ECT2: variants seen among roughly 807,000 people sequenced by gnomAD.
The protein encoded by ECT2 is protein ECT2.
A neutral mutation model predicts 116.9 loss-of-function variants in ECT2; 61 were observed. The ratio of observed to expected loss-of-function variants is 0.52; its 90% CI spans 0.42 to 0.65. ECT2 has a LOEUF of 0.65. Among genes scored for constraint, ECT2 ranks in the 30% least tolerant of loss-of-function variants. The probability of loss-of-function intolerance (pLI) is 0.00; values close to 1 mark genes in which losing one functional copy is unlikely to be tolerated. For synonymous variants in ECT2, 358 were observed against 346.4 expected, an observed-to-expected ratio of 1.03 and a Z score of -0.37; for missense variants, 937 against 1,078.7, an observed-to-expected ratio of 0.87 and a Z score of 1.84.
intron 22 of ECT2, among the ~76,000 whole-genome samples, 179 bp from the exon 23 acceptor site, chr3:172,815,425 A>C (rs1729508812): frequency 6.6e-6 from 1 of 152,148 alleles, no homozygotes; most frequent in African/African-American, 2.4e-5. Flanking sequence ...CATTTACTGA[A>C]TGCTTATTTT....
chr3:172,773,809 C>T, intron 13 of ECT2, 94 bp from the exon 14 acceptor site: 4 of 1,251,426 alleles, frequency 3.2e-6, no homozygotes, highest in Non-Finnish European at 4.5e-6. Flanking sequence ...ACTTCCTTCT[C>T]TATTAATATC....
chr3:172,781,272 C>G (rs1722648968), intron 14 of ECT2, among the ~76,000 whole-genome samples: 1 of 152,146 alleles, frequency 6.6e-6, no homozygotes, highest in African/African-American at 2.4e-5. Flanking sequence ...TAATAGAAGA[C>G]TGATTATCAT....
chr3:172,805,634 T>G, intron 20 of ECT2, 97 bp from the exon 21 acceptor site: 2 of 1,173,770 alleles, frequency 1.7e-6, no homozygotes, highest in South Asian at 3.1e-5. Context: ...AAATAAGTTA[T>G]ATATAGATTT....
chr3:172,783,934 AAATTTGAG>A lies in ECT2; in HGVS notation c.1728+30_1728+37del, dbSNP rs1250728695. On this transcript the variant is annotated intron_variant, in intron 16 of 24. Transcript: ENST00000392692. ...GGTAATGTGTGTTTCTTTCAAATAA[AAATTTGAG>A]AATTATTTCTGAAGTAATTCACCAC... The A allele has an allele frequency of 9.7e-6, 14 of 1,445,782 alleles. No homozygotes were observed. The East Asian group carries it at 2.6e-4, about 27-fold the overall frequency. The allele number at this position is 1,445,782 out of a possible 1,614,324, so 89.6% of individuals were successfully genotyped here.
intron 13 of ECT2, among the ~76,000 whole-genome samples, chr3:172,773,615 T>C (rs1721067285): frequency 6.6e-6 from 1 of 152,236 alleles, no homozygotes; most frequent in Non-Finnish European, 1.5e-5. Flanking sequence ...GAAATTACTC[T>C]TGTATCATAC....
rs575664318 is a variant in ECT2 at position 172,811,079 on chromosome 3, A to G, written c.2400+3155A>G. On this transcript the variant is annotated intron_variant, in intron 22 of 24. Transcript: ENST00000392692. Reference sequence around the variant, plus strand: ...AGAACTTAAAAGTAAATAAAAATAAAAATGAGTTTTGGCTAATCTATCAAT... The same window carrying G: ...AGAACTTAAAAGTAAATAAAAATAAGAATGAGTTTTGGCTAATCTATCAAT... Among the ~76,000 whole-genome samples, 6 of 152,266 alleles carry G rather than the reference A, an allele frequency of 3.9e-5. 1 individual carries two copies. The South Asian group carries it at 1.2e-3, about 32-fold the overall frequency.
intron 12 of ECT2, 41 bp from the exon 13 acceptor site, chr3:172,768,966 A>G (rs1351618339): frequency 3.9e-6 from 6 of 1,530,168 alleles, no homozygotes; most frequent in Non-Finnish European, 5.3e-6. Context: ...TGGTATTTAT[A>G]TTTGGCTTCC....
chr3:172,821,516 A>G (rs764366033), downstream of ECT2: 1 of 151,928 alleles, frequency 6.6e-6, no homozygotes, highest in Non-Finnish European at 1.5e-5. Context: ...AAATTTTCAT[A>G]GGCAAATATG....
chr3:172,813,226 A>T (rs1729084500), intron 22 of ECT2, among the ~76,000 whole-genome samples: 1 of 152,074 alleles, frequency 6.6e-6, no homozygotes, highest in South Asian at 2.1e-4. Flanking sequence ...GGAAATGAAG[A>T]CCTCTTTTCC....
chr3:172,757,887 G>GTATT (rs199782004), intron 5 of ECT2, among the ~76,000 whole-genome samples: 4,756 of 151,574 alleles, frequency 0.031, 153 homozygotes, highest in East Asian at 0.16. Context: ...TTAGCTTTTT[G>GTATT]TATTTATTTA....
intron 22 of ECT2, among the ~76,000 whole-genome samples, chr3:172,815,247 G>A (rs932543538): frequency 6.6e-6 from 1 of 152,174 alleles, no homozygotes; most frequent in African/African-American, 2.4e-5. Flanking sequence ...ATCTTAATTT[G>A]AGTTTATGTC....
intron 22 of ECT2, among the ~76,000 whole-genome samples, chr3:172,811,959 T>C (rs1385465924): frequency 6.6e-6 from 1 of 152,012 alleles, no homozygotes; most frequent in Admixed American, 6.6e-5. Flanking sequence ...CATAGACATA[T>C]GTACATTCTT....
intron 24 of ECT2, among the ~76,000 whole-genome samples, 178 bp from the exon 25 acceptor site, chr3:172,819,970 C>CT (rs1730468109): frequency 6.6e-6 from 1 of 151,982 alleles, no homozygotes. Flanking sequence ...TAATAGTTTT[C>CT]TTTTTTCTCC....
chr3:172,814,344 G>T (rs150427407), intron 22 of ECT2, among the ~76,000 whole-genome samples: 12 of 151,768 alleles, frequency 7.9e-5, no homozygotes, highest in African/African-American at 2.9e-4. Flanking sequence ...TATGGGTTAG[G>T]TATACTAGAT....
intron 5 of ECT2, among the ~76,000 whole-genome samples, chr3:172,757,829 G>A (rs1368417205): frequency 2.6e-5 from 4 of 151,802 alleles, no homozygotes; most frequent in Admixed American, 6.6e-5. Context: ...CAGATACCAC[G>A]GTTCCATTTT....
At chr3:172,755,112 C>T (rs146066600) in intron 2 of ECT2, among the ~76,000 whole-genome samples, 183 bp from the exon 3 acceptor site, 1 of 151,364 alleles carries the variant, frequency 6.6e-6, no homozygotes, top group African/African-American at 2.4e-5. Context: ...TTCTCTTTCT[C>T]TAAAGTGATA....
At chr3:172,796,374 TACA>T (rs1725642417) in intron 18 of ECT2, 3 of 152,238 alleles carry the variant, frequency 2.0e-5, no homozygotes, top group Non-Finnish European at 4.4e-5. Flanking sequence ...TCTCTATGTT[TACA>T]ACGAGTTTTA....
the ECT2 span, among the ~76,000 whole-genome samples, chr3:172,828,348 G>GTGTGTGTGTGTGTGTGGC: frequency 6.6e-6 from 1 of 152,154 alleles, no homozygotes; most frequent in Non-Finnish European, 1.5e-5. Flanking sequence ...GTGTGTGTGT[G>GTGTGTGTGTGTGTGTGGC]TGTGGCTGTG....
intron 14 of ECT2, among the ~76,000 whole-genome samples, chr3:172,776,406 C>A (rs908451362): frequency 2.6e-5 from 4 of 152,018 alleles, no homozygotes; most frequent in African/African-American, 9.7e-5. Flanking sequence ...GAGAGAAATA[C>A]CCATAATTCC....
Sources: allele counts gnomAD v4.1 joint callset (sites outside exome capture counted in the v4.1 genomes callset), GRCh38; gene constraint gnomAD v4.1.1; transcripts MANE v1.5; gene names NCBI Gene and HGNC (gene_info 2026-07-23, HGNC 2026-07-21).